Variants in DCUN1D4 observed in about 807,000 individuals in gnomAD.
The protein encoded by DCUN1D4 is DCN1-like protein 4.
Under a neutral mutation model 47.9 loss-of-function variants are expected in DCUN1D4, and 22 were observed. The ratio of observed to expected loss-of-function variants is 0.46; its 90% CI spans 0.33 to 0.66. DCUN1D4 has a LOEUF of 0.66. DCUN1D4 is among the 30% of genes least tolerant of loss of function. The probability of loss-of-function intolerance (pLI) is 0.02; values close to 1 mark genes in which losing one functional copy is unlikely to be tolerated. For synonymous variants in DCUN1D4, 121 were observed against 112.2 expected (o/e 1.08, Z -0.50); for missense variants, 301 against 340.8 (o/e 0.88, Z 0.92).
upstream of DCUN1D4, among the ~76,000 whole-genome samples, chr4:51,839,573 G>A (rs1321322324): frequency 1.3e-5 from 2 of 152,168 alleles, no homozygotes; most frequent in African/African-American, 4.8e-5. Context: ...TGCCCTCTAT[G>A]GATAAATTCT....
At chr4:51,868,377 G>C (rs1397939892) in intron 3 of DCUN1D4, among the ~76,000 whole-genome samples, 2 of 152,234 alleles carry the variant, frequency 1.3e-5, no homozygotes, top group Non-Finnish European at 2.9e-5. Context: ...GATTGCTCCA[G>C]ACGGGCTGCT....
chr4:51,893,137 G>A (rs752011967), intron 7 of DCUN1D4, among the ~76,000 whole-genome samples: 1 of 152,220 alleles, frequency 6.6e-6, no homozygotes. Context: ...ATGTGTGAAT[G>A]TGGCAGAGAT....
At chr4:51,907,008 G>A (rs6831688) in intron 8 of DCUN1D4, among the ~76,000 whole-genome samples, 62,681 of 152,072 alleles carry the variant, frequency 0.41, 15,421 homozygotes, top group African/African-American at 0.69. Flanking sequence ...TAAGTGTAAG[G>A]CACTTAGAAC....
intron 1 of DCUN1D4, chr4:51,845,223 A>G: frequency 1.0e-6 from 1 of 985,462 alleles, no homozygotes; most frequent in Non-Finnish European, 1.2e-6. Flanking sequence ...TCCCTTGCAT[A>G]AATATGAGAA....
Position 51,857,916 on chromosome 4 carries a change from G to T in DCUN1D4, c.26-5521G>T, listed in dbSNP as rs185613244. ...CTAATATGTGCCAGGTACTCTTCTA[G>T]GTATTAATATTACGGGATACAGCAA... On this transcript the variant is annotated intron_variant, in intron 1 of 10. Transcript: ENST00000334635. Among the ~76,000 whole-genome samples, 3 of 152,258 alleles carry T rather than the reference G, an allele frequency of 2.0e-5. No individual in the cohort carries two copies. The East Asian group carries it at 5.8e-4, about 29-fold the overall frequency.
rs1016469304 is a variant in DCUN1D4 at position 51,914,673 on chromosome 4, A to G, written c.*1089A>G. On this transcript the variant is annotated 3_prime_UTR_variant, in exon 11 of 11. Transcript: ENST00000334635. ...AGGCAGTGGACAAGAAACCACCAGC[A>G]TTGAGCTAACCCAGTACATGCTAGG... 7 of 152,594 alleles carry G rather than the reference A, an allele frequency of 4.6e-5. No homozygotes were observed. Among genetic ancestry groups the G allele is most frequent in the African/African-American group, 1.4e-4 (6 of 41,432 alleles). 9.5% of individuals were successfully genotyped at this position (152,594 alleles called of 1,614,324 possible). A position where few individuals can be genotyped will look rare whatever the true frequency, so the allele number is the denominator to read the frequency against.
rs570899147 is a variant in DCUN1D4 at position 51,860,702 on chromosome 4, C to G, written c.26-2735C>G. 8.9e-6 allele frequency: 4 copies of G among 451,274 alleles called. No homozygotes were observed. The East Asian group carries it at 2.8e-4, about 31-fold the overall frequency. The allele number at this position is 451,274 out of a possible 1,614,324, so 28.0% of individuals were successfully genotyped here. ...CCACACACTTTTAAATGACTGAACC[C>G]CATAAGAACTCACTCACTGTCTCAA... On this transcript the variant is annotated intron_variant, in intron 1 of 10. Coordinates refer to ENST00000334635, the MANE Select transcript of DCUN1D4 (RefSeq NM_001040402.3).
the DCUN1D4 span, among the ~76,000 whole-genome samples, chr4:51,835,529 T>C: frequency 6.6e-6 from 1 of 152,214 alleles, no homozygotes; most frequent in Non-Finnish European, 1.5e-5. Context: ...GTTGTGGTGA[T>C]GGTGCTTTGA....
intron 1 of DCUN1D4, among the ~76,000 whole-genome samples, chr4:51,844,140 G>A (rs1722094042): frequency 6.8e-6 from 1 of 146,706 alleles, no homozygotes; most frequent in Non-Finnish European, 1.5e-5. Flanking sequence ...TGAGGAGCTA[G>A]TCGGGGAGGA....
chr4:51,843,086 T>G (rs1458674904), upstream of DCUN1D4: 1 of 1,415,132 alleles, frequency 7.1e-7, no homozygotes, highest in Admixed American at 2.7e-5. Flanking sequence ...GGGCGGCCCC[T>G]GAGCCGCGGT....
chr4:51,844,285 G>C (rs1722128988), intron 1 of DCUN1D4: 2 of 970,352 alleles, frequency 2.1e-6, no homozygotes, highest in African/African-American at 3.5e-5. Context: ...TTGAAGGGGG[G>C]AGTCCAAGCT....
chr4:51,843,091 C>A (rs536847472), upstream of DCUN1D4: 415 of 1,419,360 alleles, frequency 2.9e-4, no homozygotes, highest in African/African-American at 5.8e-3. Flanking sequence ...GCCCCTGAGC[C>A]GCGGTTTAGC....
chr4:51,843,807 G>GT (rs1455289422), intron 1 of DCUN1D4: 1 of 106,896 alleles, frequency 9.4e-6, no homozygotes, highest in South Asian at 4.6e-4. Flanking sequence ...GGGGGGGTGG[G>GT]GGGGGGGCGG....
At chr4:51,836,970 C>G in the DCUN1D4 span, among the ~76,000 whole-genome samples, 1 of 152,192 alleles carries the variant, frequency 6.6e-6, no homozygotes, top group Admixed American at 6.5e-5. Context: ...TGACAATACA[C>G]AGAAGCCATT....
At chr4:51,859,853 G>A (rs986531140) in intron 1 of DCUN1D4, among the ~76,000 whole-genome samples, 13 of 152,042 alleles carry the variant, frequency 8.6e-5, no homozygotes, top group Non-Finnish European at 1.9e-4. Flanking sequence ...TTGGAGAGCC[G>A]TCTGATCATG....
At chr4:51,837,387 G>T in the DCUN1D4 span, among the ~76,000 whole-genome samples, 5 of 152,278 alleles carry the variant, frequency 3.3e-5, no homozygotes, top group African/African-American at 1.2e-4. Context: ...GAAATCTTAG[G>T]CCGGGCGCGG....
At chr4:51,901,920 T>A (rs1732182603) in intron 8 of DCUN1D4, among the ~76,000 whole-genome samples, 1 of 152,248 alleles carries the variant, frequency 6.6e-6, no homozygotes, top group South Asian at 2.1e-4. Flanking sequence ...CTAAGATAAA[T>A]TTTTTAATGA....
chr4:51,887,260 C>T, intron 6 of DCUN1D4: 1 of 344,316 alleles, frequency 2.9e-6, no homozygotes, highest in Non-Finnish European at 5.7e-6. Context: ...CGCCACCATG[C>T]TTGGCTAATG....
At chr4:51,874,599 TAA>T (rs1406659258) in intron 4 of DCUN1D4, 1 of 422,004 alleles carries the variant, frequency 2.4e-6, no homozygotes, top group Admixed American at 4.1e-5. Context: ...TCTTAGAAGT[TAA>T]AGTTTTATCT....
Sources: gnomAD v4.1 joint callset for allele counts (sites outside exome capture counted in the v4.1 genomes callset) on GRCh38, gnomAD v4.1.1 for gene constraint, MANE v1.5 for transcripts, NCBI Gene and HGNC (gene_info 2026-07-23, HGNC 2026-07-21) for gene names.